MCCC1: variants seen among roughly 807,000 people sequenced by gnomAD.
MCCC1 encodes the protein methylcrotonoyl-CoA carboxylase subunit alpha, mitochondrial.
Under a neutral mutation model 83.8 loss-of-function variants are expected in MCCC1, and 64 were observed. That is an observed-to-expected ratio of 0.76 (90% CI 0.62 to 0.94). The LOEUF is 0.94. Ranked by LOEUF, MCCC1 falls within the 40% of genes least tolerant of loss-of-function variation. The pLI, the probability that MCCC1 is intolerant of heterozygous loss-of-function variation, is 0.00. For missense variants in MCCC1, 807 were observed against 904.7 expected (o/e 0.89, Z 1.39); for synonymous variants, 322 against 315.4 (o/e 1.02, Z -0.22).
intron 1 of MCCC1, among the ~76,000 whole-genome samples, chr3:183,097,691 C>A (rs1342743736): frequency 6.6e-6 from 1 of 152,106 alleles, no homozygotes; most frequent in Non-Finnish European, 1.5e-5. Context: ...AGGCATGAAC[C>A]AAGTCTCCTG....
chr3:183,020,068 A>T, intron 17 of MCCC1, 62 bp downstream of exon 17: 1 of 1,264,996 alleles, frequency 7.9e-7, no homozygotes, highest in Non-Finnish European at 1.2e-6. Context: ...ATAAATGACA[A>T]GTTTAACAAA....
chr3:183,040,536 A>G (rs1000331342), intron 11 of MCCC1, among the ~76,000 whole-genome samples: 1 of 119,664 alleles, frequency 8.4e-6, no homozygotes, highest in Admixed American at 1.1e-4. Context: ...CATGGTGAAA[A>G]CCTGTCTCTA....
At chr3:183,053,200 G>C (rs1050226618) in intron 8 of MCCC1, among the ~76,000 whole-genome samples, 5 of 152,148 alleles carry the variant, frequency 3.3e-5, no homozygotes, top group African/African-American at 1.2e-4. Context: ...GCCGGGTGTG[G>C]TGGCTCACCC....
intron 1 of MCCC1, chr3:183,098,994 T>G: frequency 2.4e-6 from 1 of 411,544 alleles, no homozygotes; most frequent in Non-Finnish European, 4.5e-6. Flanking sequence ...CGGAACCGGA[T>G]TATAACAACG....
In MCCC1 at chr3:183,071,113, C is replaced by T; in HGVS notation, c.647G>A (p.Arg216Lys). The T allele has an allele frequency of 6.2e-7, 1 of 1,614,198 alleles. No homozygotes were observed. Among genetic ancestry groups the T allele is most frequent in the Non-Finnish European group, 8.5e-7 (1 of 1,180,036 alleles). Residue 216 changes from arginine to lysine, a missense_variant, in exon 7 of 19, where the codon AGG becomes AAG. Arg to Lys is a conservative substitution (Grantham distance 26). Transcript: ENST00000265594. ...AAATTCTTGTTCTGATCTAACAATC[C>T]TCATTCCCTAAGAGAGAAAAGATGA... is the stretch of plus-strand genomic sequence containing the variant. ...AVRGGGGKGM[R>K]IVRSEQEFQE...
At chr3:183,030,279 G>C (rs1404894589) in intron 14 of MCCC1, among the ~76,000 whole-genome samples, 1 of 152,206 alleles carries the variant, frequency 6.6e-6, no homozygotes, top group Admixed American at 6.5e-5. Flanking sequence ...CGGCACTCCT[G>C]CCTGGGCAAC....
intron 14 of MCCC1, among the ~76,000 whole-genome samples, chr3:183,027,237 T>G (rs1378193461): frequency 1.3e-5 from 2 of 152,178 alleles, no homozygotes; most frequent in Non-Finnish European, 2.9e-5. Context: ...CCCCTGTCTC[T>G]CTCCCTCTCT....
intron 4 of MCCC1, among the ~76,000 whole-genome samples, chr3:183,083,411 T>G (rs1560270174): frequency 6.6e-6 from 1 of 152,244 alleles, no homozygotes; most frequent in East Asian, 1.9e-4. Flanking sequence ...GTTACTTGGC[T>G]TTTGCTCTTT....
chr3:183,037,746 A>G (rs946350918), intron 12 of MCCC1, among the ~76,000 whole-genome samples: 1 of 152,244 alleles, frequency 6.6e-6, no homozygotes, highest in Non-Finnish European at 1.5e-5. Context: ...GGAACATAAT[A>G]AATGTTAAGA....
At position 183,113,297 on chromosome 3, in the gene MCCC1, G is replaced by A. The variant is rs372161619; in HGVS notation, c.-102+2177C>T. ...TCCAGCTACTTAGAAAGCTGAAGTA[G>A]AACAGCAAACTATCGCAAGGACAGA... On this transcript the variant is annotated intron_variant, in intron 1 of 17. Coordinates refer to the MCCC1 transcript ENST00000492597. 7.3e-5 allele frequency among the ~76,000 whole-genome samples: 11 copies of A among 150,476 alleles called. No individual in the cohort carries two copies. In the East Asian group the frequency reaches 1.8e-3, roughly 24 times the overall value.
chr3:183,113,656 T>A (rs1719538306), intron 1 of MCCC1, among the ~76,000 whole-genome samples: 1 of 151,762 alleles, frequency 6.6e-6, no homozygotes, highest in Non-Finnish European at 1.5e-5. Context: ...TGAGCTGTGA[T>A]CACACCGCTG....
chr3:183,092,086 T>C (rs1171835383), intron 3 of MCCC1, among the ~76,000 whole-genome samples: 1 of 151,716 alleles, frequency 6.6e-6, no homozygotes, highest in East Asian at 1.9e-4. Context: ...AGAGCCTGGA[T>C]CTTTCTCCTT....
At chr3:183,027,687 C>T (rs551486828) in intron 14 of MCCC1, among the ~76,000 whole-genome samples, 7 of 152,262 alleles carry the variant, frequency 4.6e-5, no homozygotes, top group African/African-American at 1.4e-4. Context: ...TGTGAAACAG[C>T]CTTGTTGCTG....
At chr3:183,025,511 C>G (rs1397528544) in intron 15 of MCCC1, among the ~76,000 whole-genome samples, 1 of 152,110 alleles carries the variant, frequency 6.6e-6, no homozygotes, top group Admixed American at 6.6e-5. Context: ...CTGATTTGAG[C>G]TTTTACTTTT....
intron 14 of MCCC1, chr3:183,028,990 T>A (rs1456634935): frequency 6.6e-6 from 1 of 152,232 alleles, no homozygotes; most frequent in African/African-American, 2.4e-5. Context: ...TTAATTAAGG[T>A]ATATACATTG....
chr3:183,053,875 G>GA (rs201406019), intron 8 of MCCC1, among the ~76,000 whole-genome samples: 26,573 of 140,454 alleles, frequency 0.19, 2,973 homozygotes, highest in East Asian at 0.38. Flanking sequence ...AGGCTATAAA[G>GA]AATTTTTTTT....
Position 183,026,255 on chromosome 3 carries a change from T to C in MCCC1, c.1682-451A>G, listed in dbSNP as rs183204396. 3.7e-3 allele frequency among the ~76,000 whole-genome samples: 569 copies of C among 152,270 alleles called. 1 individual carries two copies. The highest frequency in any genetic ancestry group is 6.3e-3 in the Non-Finnish European group (430 of 68,020). ...TGAGGTTTCACCATATTGCCCAGGC[T>C]GGTCTTGAACTCCTGGACTCAAGTG... On this transcript the variant is annotated intron_variant, in intron 14 of 18. Transcript: ENST00000265594.
chr3:183,077,174 C>T (rs1717138209), intron 4 of MCCC1, among the ~76,000 whole-genome samples: 1 of 152,098 alleles, frequency 6.6e-6, no homozygotes, highest in Non-Finnish European at 1.5e-5. Context: ...ACTTTTTTGG[C>T]TACTATAAAT....
chr3:183,098,264 C>T (rs574741921), intron 1 of MCCC1, among the ~76,000 whole-genome samples: 14 of 152,300 alleles, frequency 9.2e-5, no homozygotes, highest in African/African-American at 2.9e-4. Context: ...CTCTGGGGCA[C>T]TCCTACAATT....
Sources: allele counts gnomAD v4.1 joint callset (sites outside exome capture counted in the v4.1 genomes callset), GRCh38; gene constraint gnomAD v4.1.1; transcripts MANE v1.5; gene names NCBI Gene and HGNC (gene_info 2026-07-23, HGNC 2026-07-21).